The following NELL1 variants were observed in gnomAD, a reference collection of about 807,000 sequenced individuals.
The protein encoded by NELL1 is neural EGFL like 1, also known as protein kinase C-binding protein NELL1.
Under a neutral mutation model 107.4 loss-of-function variants are expected in NELL1, and 76 were observed. That is an observed-to-expected ratio of 0.71 (90% CI 0.59 to 0.86). The LOEUF (loss-of-function observed/expected upper bound fraction) is 0.86, where lower values mean the gene tolerates loss of function less well. NELL1 is among the 40% of genes least tolerant of loss of function. The pLI is 0.00. For synonymous variants in NELL1, 353 were observed against 341.2 expected (o/e 1.03, Z -0.38); for missense variants, 1,024 against 1,005.5 (o/e 1.02, Z -0.25).
intron 13 of NELL1, among the ~76,000 whole-genome samples, chr11:21,206,275 C>G (rs557873817): frequency 2.4e-4 from 37 of 152,290 alleles, no homozygotes; most frequent in Middle Eastern, 3.4e-3. Flanking sequence ...GGTCCAATCT[C>G]TGCCTATGTC....
chr11:21,160,163 GC>G (rs1193519941), intron 13 of NELL1, among the ~76,000 whole-genome samples: 1 of 152,200 alleles, frequency 6.6e-6, no homozygotes, highest in Non-Finnish European at 1.5e-5. Flanking sequence ...CTGCCTCTGT[GC>G]CTTTGTAAAA....
Position 20,811,201 on chromosome 11 carries a change from G to A in NELL1, c.335+27371G>A, listed in dbSNP as rs559015779. Among the ~76,000 whole-genome samples, 3 of 152,196 alleles carry A rather than the reference G, an allele frequency of 2.0e-5. No individual in the cohort carries two copies. The South Asian group carries it at 6.2e-4, about 32-fold the overall frequency. ...AATAACGGTCTAATTTTATTATTTT[G>A]CATTTGGGTATCCAGTTTTTCCAGC... On this transcript the variant is annotated intron_variant, in intron 3 of 19. Transcript: ENST00000357134.
At chr11:21,019,199 C>G (rs1435656486) in intron 12 of NELL1, among the ~76,000 whole-genome samples, 1 of 152,008 alleles carries the variant, frequency 6.6e-6, no homozygotes, top group Non-Finnish European at 1.5e-5. Flanking sequence ...CTCTTCTTAC[C>G]TCCTAGGGTG....
chr11:20,999,481 G>A (rs887872023), intron 12 of NELL1, among the ~76,000 whole-genome samples: 1 of 152,218 alleles, frequency 6.6e-6, no homozygotes, highest in Non-Finnish European at 1.5e-5. Context: ...TGGGCAGAAA[G>A]AGTCCTACCT....
intron 12 of NELL1, among the ~76,000 whole-genome samples, chr11:21,086,913 C>G (rs1182559351): frequency 6.8e-6 from 1 of 146,000 alleles, no homozygotes; most frequent in Non-Finnish European, 1.5e-5. Context: ...CTCACTGCAA[C>G]CTCCCCCTCC....
At chr11:21,240,364 G>T (rs1040505820) in intron 14 of NELL1, among the ~76,000 whole-genome samples, 1 of 151,952 alleles carries the variant, frequency 6.6e-6, no homozygotes, top group Admixed American at 6.6e-5. Context: ...AGATGTGGGG[G>T]TATTAGTTAT....
intron 2 of NELL1, among the ~76,000 whole-genome samples, chr11:20,726,974 A>G (rs1414267091): frequency 6.6e-6 from 1 of 152,086 alleles, no homozygotes. Context: ...TATGTGCCAC[A>G]TTTGCTTAAT....
At chr11:20,768,488 C>T (rs1856579090) in intron 2 of NELL1, among the ~76,000 whole-genome samples, 1 of 152,208 alleles carries the variant, frequency 6.6e-6, no homozygotes, top group Non-Finnish European at 1.5e-5. Context: ...CTGGATAATG[C>T]TGCCCTCCTT....
chr11:21,237,314 A>G (rs1051153267), intron 14 of NELL1, among the ~76,000 whole-genome samples: 16 of 152,146 alleles, frequency 1.1e-4, no homozygotes, highest in African/African-American at 3.9e-4. Context: ...TACCCCGGGC[A>G]TTTAATTTTC....
chr11:21,205,589 C>A (rs1857372476), intron 13 of NELL1, among the ~76,000 whole-genome samples: 1 of 152,178 alleles, frequency 6.6e-6, no homozygotes, highest in Admixed American at 6.5e-5. Flanking sequence ...GCACTTGGCT[C>A]CCTGGCTTCA....
chr11:21,420,788 T>TGTAA (rs1205870514), intron 15 of NELL1, among the ~76,000 whole-genome samples: 1 of 152,018 alleles, frequency 6.6e-6, no homozygotes, highest in Non-Finnish European at 1.5e-5. Context: ...TATAAGGAAG[T>TGTAA]GTAAGTGTAA....
At chr11:21,156,064 G>C (rs1047519829) in intron 13 of NELL1, among the ~76,000 whole-genome samples, 2 of 152,086 alleles carry the variant, frequency 1.3e-5, no homozygotes, top group Non-Finnish European at 2.9e-5. Context: ...GTTGGGACAG[G>C]GGGCAGGATG....
At chr11:20,674,502 G>A in intron 1 of NELL1, 1 of 1,535,222 alleles carries the variant, frequency 6.5e-7, no homozygotes, top group Non-Finnish European at 8.7e-7. Flanking sequence ...AAGATATGAA[G>A]CCACCCGTGT....
At chr11:20,947,718 A>G (rs1850993000) in intron 11 of NELL1, among the ~76,000 whole-genome samples, 1 of 152,210 alleles carries the variant, frequency 6.6e-6, no homozygotes, top group Non-Finnish European at 1.5e-5. Context: ...TCAATAAATG[A>G]TAGTTCCTAT....
chr11:20,916,977 C>T lies in NELL1; in HGVS notation c.604-1205C>T, dbSNP rs149048295. Among the ~76,000 whole-genome samples the T allele has an allele frequency of 7.9e-5, 12 of 152,032 alleles. No homozygotes were observed. The East Asian group carries it at 2.3e-3, about 30-fold the overall frequency. On this transcript the variant is annotated intron_variant, in intron 5 of 19. Coordinates refer to ENST00000357134, the MANE Select transcript of NELL1 (RefSeq NM_006157.5). ...GATCCAGAACTTGAAACCAGGTTCC[C>T]TGACTTCTAATCCATGCTTGTCTCA...
chr11:21,475,833 G>T (rs948887251), intron 15 of NELL1, among the ~76,000 whole-genome samples: 3 of 152,150 alleles, frequency 2.0e-5, no homozygotes, highest in Non-Finnish European at 4.4e-5. Context: ...GTAGCTGTTT[G>T]GTATGATTTT....
chr11:20,802,408 G>GTTT (rs199782567), intron 3 of NELL1, among the ~76,000 whole-genome samples: 8 of 145,118 alleles, frequency 5.5e-5, no homozygotes, highest in Non-Finnish European at 6.1e-5. Flanking sequence ...CAGAAATGCT[G>GTTT]TTTTTTTTTT....
At chr11:21,463,218 C>T (rs968891882) in intron 15 of NELL1, among the ~76,000 whole-genome samples, 16 of 151,982 alleles carry the variant, frequency 1.1e-4, no homozygotes, top group Non-Finnish European at 1.8e-4. Context: ...TGTTGGCTCC[C>T]ACCTCCAGCA....
Position 21,018,590 on chromosome 11 carries a change from T to C in NELL1, c.1300+58030T>C, listed in dbSNP as rs372095272. On this transcript the variant is annotated intron_variant, in intron 12 of 19. Coordinates refer to ENST00000357134, the MANE Select transcript of NELL1 (RefSeq NM_006157.5). Reference sequence around the variant, plus strand: ...TTCCTCTCTGTCAGTCTGGCCGTTGTCACTGCTGTTTCTTTCAATGTGGTA... The same window carrying C: ...TTCCTCTCTGTCAGTCTGGCCGTTGCCACTGCTGTTTCTTTCAATGTGGTA... Among the ~76,000 whole-genome samples, 43 of 152,224 alleles carry C rather than the reference T, an allele frequency of 2.8e-4. No homozygotes were observed. In the South Asian group the frequency reaches 8.7e-3, roughly 31 times the overall value.
Sources: allele counts gnomAD v4.1 joint callset (sites outside exome capture counted in the v4.1 genomes callset), GRCh38; gene constraint gnomAD v4.1.1; transcripts MANE v1.5; gene names NCBI Gene and HGNC (gene_info 2026-07-23, HGNC 2026-07-21).